The following CCDC92B variants were observed in gnomAD, a reference collection of about 807,000 sequenced individuals.
The protein encoded by CCDC92B is coiled-coil domain containing 92B, also known as coiled-coil domain-containing 92B.
CCDC92B carries 2 observed loss-of-function variants against 5.6 expected under a neutral mutation model. The ratio of observed to expected loss-of-function variants is 0.36; its 90% confidence interval spans 0.15 to 1.12. CCDC92B has a LOEUF of 1.12. Among genes scored for constraint, CCDC92B ranks in the 50% most tolerant of loss-of-function variants. The pLI is 0.40. For missense variants in CCDC92B, 271 were observed against 262.2 expected, an observed-to-expected ratio of 1.03 and a Z score of -0.23; for synonymous variants, 115 against 122.3, an observed-to-expected ratio of 0.94 and a Z score of 0.39.
intron 1 of CCDC92B, among the ~76,000 whole-genome samples, chr17:2,744,276 GC>G (rs2070960321): frequency 6.7e-6 from 1 of 149,526 alleles, no homozygotes; most frequent in Non-Finnish European, 1.5e-5. Flanking sequence ...CAATCTTCTA[GC>G]TTTGGCATCT....
chr17:2,733,744 C>CTTTTTTTTTT (rs386385447), intron 2 of CCDC92B, among the ~76,000 whole-genome samples: 4 of 49,330 alleles, frequency 8.1e-5, no homozygotes, highest in African/African-American at 3.5e-4. Context: ...GGACCACTGG[C>CTTTTTTTTTT]TTTTTTTTTT....
At chr17:2,739,821 G>A (rs752101909) in intron 1 of CCDC92B, among the ~76,000 whole-genome samples, 1 of 152,024 alleles carries the variant, frequency 6.6e-6, no homozygotes, top group Non-Finnish European at 1.5e-5. Flanking sequence ...GTCTGAGTAG[G>A]TTAATTCCTG....
At chr17:2,748,318 C>T (rs2071011693) in intron 1 of CCDC92B, 1 of 1,244,554 alleles carries the variant, frequency 8.0e-7, no homozygotes, top group African/African-American at 1.5e-5. Context: ...TGAAGCCATC[C>T]CTGATCCCCC....
Position 2,724,034 on chromosome 17 carries a change from C to G in CCDC92B, c.*377G>C. ...GCCAATGCCACTCTGCGTCCCTTTC[C>G]GTAGGCGAGCCCAGCCCTCCCCACC... On this transcript the variant is annotated 3_prime_UTR_variant, in exon 4 of 4. Transcript: ENST00000614400. The surrounding 1 kb of genome is among the most constrained non-coding windows in gnomAD (Gnocchi z 5.0). 2 of 984,962 alleles carry G rather than the reference C, an allele frequency of 2.0e-6. No individual in the cohort carries two copies. The highest frequency in any genetic ancestry group is 2.4e-6 in the Non-Finnish European group (2 of 829,632). 61.0% of individuals were successfully genotyped at this position (984,962 alleles called of 1,614,324 possible).
intron 1 of CCDC92B, among the ~76,000 whole-genome samples, chr17:2,743,878 AT>A (rs891380376): frequency 6.6e-6 from 1 of 151,196 alleles, no homozygotes. Flanking sequence ...ATTTTTATGT[AT>A]TTTTTTTTAT....
intron 3 of CCDC92B, among the ~76,000 whole-genome samples, chr17:2,727,692 T>G (rs778803107): frequency 6.6e-6 from 1 of 152,062 alleles, no homozygotes; most frequent in East Asian, 1.9e-4. Flanking sequence ...GGTATGGTGG[T>G]GTGCGCCTGT....
intron 1 of CCDC92B, among the ~76,000 whole-genome samples, chr17:2,746,133 C>T (rs2070983449): frequency 6.6e-6 from 1 of 152,114 alleles, no homozygotes; most frequent in African/African-American, 2.4e-5. Context: ...AGGTGCCCAC[C>T]ACCACGCCTG....
chr17:2,749,024 C>T (rs2071022619), intron 1 of CCDC92B, among the ~76,000 whole-genome samples: 1 of 152,200 alleles, frequency 6.6e-6, no homozygotes, highest in Non-Finnish European at 1.5e-5. Context: ...CCCCTTCAGG[C>T]TTCAGGTTCT....
chr17:2,747,020 G>T lies in CCDC92B; in HGVS notation c.-24+2391C>A, dbSNP rs193116361. 2.0e-5 allele frequency among the ~76,000 whole-genome samples: 3 copies of T among 152,082 alleles called. No individual in the cohort carries two copies. In the East Asian group the frequency reaches 5.8e-4, roughly 29 times the overall value. Reference sequence around the variant, plus strand: ...TCTTTTACAGTCCAATATTTCCTTGGGTATCTAAATCTCACCTTCCCCACA... The same window carrying T: ...TCTTTTACAGTCCAATATTTCCTTGTGTATCTAAATCTCACCTTCCCCACA... On this transcript the variant is annotated intron_variant, in intron 1 of 3. Coordinates refer to ENST00000614400, the MANE Select transcript of CCDC92B (RefSeq NM_001355573.2).
In CCDC92B at chr17:2,723,891, G is replaced by A; in HGVS notation, c.*520C>T. ...AGGACCTATCGGCAGGGTCAGGGTG[G>A]GGGTAGAAGGACCAGCCCCTAGCCT... On this transcript the variant is annotated 3_prime_UTR_variant, in exon 4 of 4. Transcript: ENST00000614400. 1 of 970,872 alleles carries A rather than the reference G, an allele frequency of 1.0e-6. No individual in the cohort carries two copies. The highest frequency in any genetic ancestry group is 1.2e-6 in the Non-Finnish European group (1 of 816,886). 60.1% of individuals were successfully genotyped at this position (970,872 alleles called of 1,614,324 possible).
intron 2 of CCDC92B, among the ~76,000 whole-genome samples, chr17:2,733,486 C>T (rs955648191): frequency 1.7e-4 from 26 of 151,688 alleles, no homozygotes; most frequent in African/African-American, 6.3e-4. Flanking sequence ...CTCGAACTCC[C>T]GACCTCAGGT....
Position 2,724,140 on chromosome 17 carries a change from G to A in CCDC92B, c.*271C>T. The A allele has an allele frequency of 1.0e-6, 1 of 985,408 alleles. No homozygotes were observed. The highest frequency in any genetic ancestry group is 1.2e-6 in the Non-Finnish European group (1 of 829,916). The allele number at this position is 985,408 out of a possible 1,614,324, so 61.0% of individuals were successfully genotyped here. A position where few individuals can be genotyped will look rare whatever the true frequency, so the allele number is the denominator to read the frequency against. ...TCACAGGCAGGTGGGACCAGGCCAG[G>A]ATCGGGACGGCGAGTCCTCTCGGTA... On this transcript the variant is annotated 3_prime_UTR_variant, in exon 4 of 4. Coordinates refer to ENST00000614400, the MANE Select transcript of CCDC92B (RefSeq NM_001355573.2). This position sits in a 1 kb window ranked among gnomAD's most constrained non-coding sequence, Gnocchi z 5.0.
intron 1 of CCDC92B, among the ~76,000 whole-genome samples, chr17:2,739,764 C>T (rs1013459488): frequency 6.6e-6 from 1 of 152,086 alleles, no homozygotes; most frequent in Non-Finnish European, 1.5e-5. Context: ...GGACGTAGCT[C>T]AGTCAATGCT....
chr17:2,724,456 C>A lies in CCDC92B; in HGVS notation c.723G>T (p.Pro241=). The change falls in exon 4 of 4, where the codon CCG becomes CCT. Residue 241 remains proline (P), a synonymous_variant. Coordinates refer to ENST00000614400, the MANE Select transcript of CCDC92B (RefSeq NM_001355573.2). This position sits in a 1 kb window ranked among gnomAD's most constrained non-coding sequence, Gnocchi z 5.0. ...PPQEPPDRAG[P]QPAPSQPSAP... ...CGCTGGGCTGGCTGGGCGCGGGCTG[C>A]GGGCCGGCTCGGTCCGGGGGCTCCT... 1 of 983,608 alleles carries A rather than the reference C, an allele frequency of 1.0e-6. No homozygotes were observed. The highest frequency in any genetic ancestry group is 1.2e-6 in the Non-Finnish European group (1 of 829,320). The allele number at this position is 983,608 out of a possible 1,614,324, so 60.9% of individuals were successfully genotyped here.
chr17:2,723,366 T>G lies in CCDC92B; in HGVS notation c.*1045A>C, dbSNP rs1434102387. On this transcript the variant is annotated 3_prime_UTR_variant, in exon 4 of 4. Coordinates refer to ENST00000614400, the MANE Select transcript of CCDC92B (RefSeq NM_001355573.2). Reference sequence around the variant, plus strand: ...CACCACGCCCGGCTAATTTTTGTATTTTTTAGTAGAGACGGGGTTTCACCA... The same window carrying G: ...CACCACGCCCGGCTAATTTTTGTATGTTTTAGTAGAGACGGGGTTTCACCA... The G allele has an allele frequency of 1.3e-5, 2 of 152,072 alleles. No homozygotes were observed. The highest frequency in any genetic ancestry group is 2.4e-5 in the African/African-American group (1 of 41,358). The allele number at this position is 152,072 out of a possible 1,614,324, so 9.4% of individuals were successfully genotyped here. A position where few individuals can be genotyped will look rare whatever the true frequency, so the allele number is the denominator to read the frequency against.
intron 3 of CCDC92B, among the ~76,000 whole-genome samples, chr17:2,729,421 G>A (rs2070770125): frequency 6.6e-6 from 1 of 151,522 alleles, no homozygotes; most frequent in Admixed American, 6.6e-5. Context: ...TTGAACACGG[G>A]AGGTGGAGGT....
At position 2,737,979 on chromosome 17, in the gene CCDC92B, G is replaced by A. The variant is rs951076697; in HGVS notation, c.-23-2811C>T. Among the ~76,000 whole-genome samples the A allele has an allele frequency of 7.2e-5, 11 of 152,046 alleles. 1 individual carries two copies. Among genetic ancestry groups the A allele is most frequent in the African/African-American group, 2.7e-4 (11 of 41,326 alleles). ...CCGCTTCACACGCTCAGTAAGGGGT[G>A]GCAGAGCCAATTCTCCAACCAAGTC... On this transcript the variant is annotated intron_variant, in intron 1 of 3. Transcript: ENST00000614400.
chr17:2,736,996 C>G (rs910160015), intron 1 of CCDC92B, among the ~76,000 whole-genome samples: 1 of 151,170 alleles, frequency 6.6e-6, no homozygotes, highest in African/African-American at 2.5e-5. Flanking sequence ...ACTCCCATGG[C>G]AGAACTTTGA....
At chr17:2,727,632 T>A (rs1194783513) in intron 3 of CCDC92B, among the ~76,000 whole-genome samples, 1 of 151,962 alleles carries the variant, frequency 6.6e-6, no homozygotes, top group Non-Finnish European at 1.5e-5. Context: ...GAGACCAGCC[T>A]GGCCAGCATG....
Sources: allele counts gnomAD v4.1 joint callset (sites outside exome capture counted in the v4.1 genomes callset), GRCh38; gene constraint gnomAD v4.1.1; non-coding constraint Gnocchi (gnomAD v3.1); transcripts MANE v1.5; gene names NCBI Gene and HGNC (gene_info 2026-07-23, HGNC 2026-07-21).